PRKAA2: variants seen among roughly 807,000 people sequenced by gnomAD.
PRKAA2 encodes the protein protein kinase AMP-activated catalytic subunit alpha 2.
In PRKAA2, 40 loss-of-function variants were observed where a neutral mutation model predicts 56.3. The ratio of observed to expected loss-of-function variants is 0.71; its 90% confidence interval spans 0.55 to 0.92. The LOEUF is 0.92. Ranked by LOEUF, PRKAA2 falls within the 40% of genes least tolerant of loss-of-function variation. The pLI, the probability that PRKAA2 is intolerant of heterozygous loss-of-function variation, is 0.00. For synonymous variants in PRKAA2, 214 were observed against 234.2 expected (o/e 0.91, Z 0.79); for missense variants, 542 against 686.9 (o/e 0.79, Z 2.36).
At chr1:56,646,709 A>G (rs1646645459) in intron 1 of PRKAA2, among the ~76,000 whole-genome samples, 1 of 152,156 alleles carries the variant, frequency 6.6e-6, no homozygotes, top group Non-Finnish European at 1.5e-5. Flanking sequence ...TGAGGTCTCT[A>G]TTTCCTTGTA....
In PRKAA2 at chr1:56,697,826, A is replaced by T. The variant is rs1644268874; in HGVS notation, c.788+1667A>T. Among the ~76,000 whole-genome samples the T allele has an allele frequency of 2.6e-5, 4 of 151,460 alleles. No individual in the cohort carries two copies. The East Asian group carries it at 5.8e-4, about 22-fold the overall frequency. On this transcript the variant is annotated intron_variant, in intron 6 of 8. Coordinates refer to ENST00000371244, the MANE Select transcript of PRKAA2 (RefSeq NM_006252.4). ...AAAATTTTTTTTTTATTAAAAAAAA[A>T]GTCAAATGGTAATGATTCATTGCTT... is the stretch of plus-strand genomic sequence containing the variant.
At chr1:56,646,398 A>G (rs1646642714) in intron 1 of PRKAA2, among the ~76,000 whole-genome samples, 1 of 152,198 alleles carries the variant, frequency 6.6e-6, no homozygotes, top group South Asian at 2.1e-4. Context: ...ATATTCTGCT[A>G]AGGTCTGTCT....
Position 56,655,280 on chromosome 1 carries a change from A to ATATATATATATTTTTTTTTT in PRKAA2, c.94+9800_94+9801insATATATATATTTTTTTTTTT. On this transcript the variant is annotated intron_variant, in intron 1 of 8. Coordinates refer to ENST00000371244, the MANE Select transcript of PRKAA2 (RefSeq NM_006252.4). ...TGTATTTATATATCTATATATATAT[A>ATATATATATATTTTTTTTTT]TTTTTTTTTTTTTTTTGTAGAGACA... Among the ~76,000 whole-genome samples, 215 of 93,536 alleles carry ATATATATATATTTTTTTTTT rather than the reference A, an allele frequency of 2.3e-3. 1 individual carries two copies. Among genetic ancestry groups the ATATATATATATTTTTTTTTT allele is most frequent in the Non-Finnish European group, 3.1e-3 (158 of 51,756 alleles). 61.4% of individuals were successfully genotyped at this position (93,536 alleles called of 152,430 possible).
intron 1 of PRKAA2, among the ~76,000 whole-genome samples, chr1:56,655,081 A>G (rs11206891): frequency 0.34 from 51,551 of 150,496 alleles, 9,128 homozygotes; most frequent in Admixed American, 0.48. Context: ...TTTCTAAATT[A>G]TAAATGAATT....
intron 1 of PRKAA2, among the ~76,000 whole-genome samples, chr1:56,646,218 G>A (rs1409502709): frequency 1.3e-5 from 2 of 152,168 alleles, no homozygotes; most frequent in Non-Finnish European, 2.9e-5. Flanking sequence ...CTGGGGTGTT[G>A]TTTAACGCTG....
At chr1:56,646,867 G>A (rs1646646869) in intron 1 of PRKAA2, among the ~76,000 whole-genome samples, 1 of 152,178 alleles carries the variant, frequency 6.6e-6, no homozygotes, top group African/African-American at 2.4e-5. Flanking sequence ...CTGCAACGTG[G>A]TAGGCACTGT....
At chr1:56,648,639 A>G (rs998102946) in intron 1 of PRKAA2, among the ~76,000 whole-genome samples, 2 of 152,190 alleles carry the variant, frequency 1.3e-5, no homozygotes, top group African/African-American at 4.8e-5. Flanking sequence ...CACTTTCCCA[A>G]AATGGTCACA....
intron 1 of PRKAA2, among the ~76,000 whole-genome samples, chr1:56,656,138 A>G (rs553402459): frequency 1.4e-4 from 22 of 152,366 alleles, no homozygotes; most frequent in African/African-American, 5.0e-4. Flanking sequence ...TTAATAGCAG[A>G]TTAGATTCCA....
At chr1:56,664,855 T>TAC (rs67041631) in intron 1 of PRKAA2, among the ~76,000 whole-genome samples, 10,951 of 139,540 alleles carry the variant, frequency 0.078, 401 homozygotes, top group East Asian at 0.15. Flanking sequence ...AGTATATGTG[T>TAC]ACACACACAC....
rs1312237223 is a variant in PRKAA2 at position 56,714,805 on chromosome 1, T to C, written c.*7092T>C. 1.3e-5 allele frequency: 2 copies of C among 152,126 alleles called. No individual in the cohort carries two copies. Among genetic ancestry groups the C allele is most frequent in the Non-Finnish European group, 2.9e-5 (2 of 68,000 alleles). 9.4% of individuals were successfully genotyped at this position (152,126 alleles called of 1,614,324 possible). On this transcript the variant is annotated 3_prime_UTR_variant, in exon 9 of 9. Transcript: ENST00000371244. ...GGATTTTGAATGCAACAAATAAAAC[T>C]GAAAACAGCCATTTGGTTGTGTCAT...
At chr1:56,657,438 G>A (rs895735975) in intron 1 of PRKAA2, among the ~76,000 whole-genome samples, 18 of 152,204 alleles carry the variant, frequency 1.2e-4, no homozygotes, top group African/African-American at 4.1e-4. Context: ...AGCACTTTGG[G>A]AGGCCAAGGC....
intron 7 of PRKAA2, 34 bp downstream of exon 7, chr1:56,704,509 G>A (rs879225975): frequency 4.6e-6 from 7 of 1,537,586 alleles, no homozygotes; most frequent in Non-Finnish European, 6.1e-6. Flanking sequence ...ATCATTTGTA[G>A]AAGCCATTTT....
chr1:56,645,989 C>G (rs1446383404), intron 1 of PRKAA2, among the ~76,000 whole-genome samples: 3 of 152,036 alleles, frequency 2.0e-5, no homozygotes, highest in African/African-American at 7.3e-5. Context: ...TTGTCCTCAC[C>G]CTAAAGGTGA....
At chr1:56,646,496 A>C (rs565665104) in intron 1 of PRKAA2, among the ~76,000 whole-genome samples, 1 of 152,340 alleles carries the variant, frequency 6.6e-6, no homozygotes, top group Admixed American at 6.5e-5. Flanking sequence ...ACTAGTAAGA[A>C]TAGTTAAGTA....
intron 1 of PRKAA2, among the ~76,000 whole-genome samples, chr1:56,673,992 TATAATACA>T (rs138595632): frequency 0.13 from 19,609 of 152,130 alleles, 1,347 homozygotes; most frequent in South Asian, 0.26. Context: ...TTTATTCTTC[TATAATACA>T]ATGACTGGCA....
At chr1:56,702,079 A>G (rs1430886965) in intron 6 of PRKAA2, among the ~76,000 whole-genome samples, 1 of 151,114 alleles carries the variant, frequency 6.6e-6, no homozygotes, top group African/African-American at 2.4e-5. Context: ...CATCATTTTT[A>G]TCTTTTCTTT....
At chr1:56,675,742 A>T (rs1644108446) in intron 2 of PRKAA2, among the ~76,000 whole-genome samples, 1 of 152,194 alleles carries the variant, frequency 6.6e-6, no homozygotes. Context: ...AACCAAAAGA[A>T]ATTCACAATT....
rs1644344925 is a variant in PRKAA2, at chr1:56,708,112, C to T, written c.*399C>T. The T allele has an allele frequency of 1.1e-5, 2 of 176,772 alleles. No homozygotes were observed. Among genetic ancestry groups the T allele is most frequent in the African/African-American group, 4.8e-5 (2 of 41,876 alleles). The allele number at this position is 176,772 out of a possible 1,614,324, so 11.0% of individuals were successfully genotyped here. On this transcript the variant is annotated 3_prime_UTR_variant, in exon 9 of 9. Coordinates refer to ENST00000371244, the MANE Select transcript of PRKAA2 (RefSeq NM_006252.4). ...AGTTTACTTCCTAAATTTCAGTAGG[C>T]TTTATGCTGTGTTTATGCCCCCAAT... is the stretch of plus-strand genomic sequence containing the variant.
intron 1 of PRKAA2, among the ~76,000 whole-genome samples, chr1:56,661,078 T>TA (rs1053013858): frequency 7.2e-5 from 11 of 152,168 alleles, no homozygotes; most frequent in Non-Finnish European, 1.2e-4. Context: ...TCACCAGAGT[T>TA]ACGGCTTTTG....
Sources: gnomAD v4.1 joint callset for allele counts (sites outside exome capture counted in the v4.1 genomes callset) on GRCh38, gnomAD v4.1.1 for gene constraint, MANE v1.5 for transcripts, NCBI Gene and HGNC (gene_info 2026-07-23, HGNC 2026-07-21) for gene names.